Variants in PDGFD observed in about 807,000 individuals in gnomAD.
PDGFD encodes the protein platelet-derived growth factor D.
Under a neutral mutation model 44.7 loss-of-function variants are expected in PDGFD, and 30 were observed. That is an observed-to-expected ratio of 0.67 (90% confidence interval 0.50 to 0.91). The LOEUF (loss-of-function observed/expected upper bound fraction) is 0.91, where lower values mean the gene tolerates loss of function less well. Ranked by LOEUF, PDGFD falls within the 40% of genes least tolerant of loss-of-function variation. PDGFD has a pLI of 0.00. For synonymous variants in PDGFD, 173 were observed against 168.4 expected (o/e 1.03, Z -0.21); for missense variants, 445 against 457.8 (o/e 0.97, Z 0.25).
At chr11:104,123,622 G>A (rs188215499) in intron 1 of PDGFD, among the ~76,000 whole-genome samples, 1 of 152,098 alleles carries the variant, frequency 6.6e-6, no homozygotes, top group East Asian at 1.9e-4. Context: ...GTTTAAAGTG[G>A]CATTCTTTTG....
chr11:104,084,725 TA>T, intron 1 of PDGFD, among the ~76,000 whole-genome samples: 1 of 129,832 alleles, frequency 7.7e-6, no homozygotes, highest in South Asian at 2.1e-4. Flanking sequence ...TATACATATA[TA>T]ATACAGATAT....
rs567091078 is a variant in PDGFD at position 103,909,019 on chromosome 11, T to C, written c.*675A>G. The C allele has an allele frequency of 2.6e-5, 4 of 152,368 alleles. No homozygotes were observed. In the East Asian group the frequency reaches 7.7e-4, roughly 29 times the overall value. The allele number at this position is 152,368 out of a possible 1,614,324, so 9.4% of individuals were successfully genotyped here. A position where few individuals can be genotyped will look rare whatever the true frequency, so the allele number is the denominator to read the frequency against. On this transcript the variant is annotated 3_prime_UTR_variant, in exon 7 of 7. Coordinates refer to ENST00000393158, the MANE Select transcript of PDGFD (RefSeq NM_025208.5). ...ATAAAAAACACAATGATTTAATTTCTAAAGCACTTATATTATTATGGCATG... is the reference window on the plus strand; with the variant it reads ...ATAAAAAACACAATGATTTAATTTCCAAAGCACTTATATTATTATGGCATG...
intron 1 of PDGFD, chr11:104,037,522 G>A: frequency 1.2e-6 from 2 of 1,614,044 alleles, no homozygotes; most frequent in Non-Finnish European, 1.7e-6. Flanking sequence ...GATAGAAGAG[G>A]CCCCCGAGAG....
rs144901482 is a variant in PDGFD, at chr11:103,940,751, G to A, written c.772+2701C>T. On this transcript the variant is annotated intron_variant, in intron 5 of 6. Transcript: ENST00000393158. ...CATTTATACAAGAGCAGAGACAGTG[G>A]TGACTTGCCAGGGTTAAATTAAATG... Among the ~76,000 whole-genome samples the A allele has an allele frequency of 6.6e-5, 10 of 152,226 alleles. No homozygotes were observed. The East Asian group carries it at 1.9e-3, about 29-fold the overall frequency.
At chr11:103,935,344 T>C (rs993703749) in intron 5 of PDGFD, among the ~76,000 whole-genome samples, 1 of 152,138 alleles carries the variant, frequency 6.6e-6, no homozygotes, top group Non-Finnish European at 1.5e-5. Context: ...TGTGCCCTCA[T>C]AGACACACAC....
intron 1 of PDGFD, among the ~76,000 whole-genome samples, chr11:104,053,190 GA>G (rs1243675460): frequency 7.2e-5 from 11 of 152,056 alleles, no homozygotes; most frequent in Admixed American, 3.9e-4. Context: ...TGGGGGAGGG[GA>G]AAAAAGGTCC....
intron 5 of PDGFD, among the ~76,000 whole-genome samples, chr11:103,938,594 A>G (rs1200714611): frequency 6.6e-6 from 1 of 152,042 alleles, no homozygotes; most frequent in Non-Finnish European, 1.5e-5. Context: ...TTTTGTTGCC[A>G]TTGCTTTTGG....
chr11:103,924,263 T>G (rs1858269589), intron 6 of PDGFD, among the ~76,000 whole-genome samples: 1 of 152,238 alleles, frequency 6.6e-6, no homozygotes, highest in East Asian at 1.9e-4. Flanking sequence ...TTCCTCACAG[T>G]TACTACTAGG....
rs1859850849 is a variant in PDGFD, at chr11:104,015,728, C to T, written c.125-15473G>A. ...TAGAGTATTAGTATGCACTGAACTCCAGAATGGCATATTTCACAAAGTTAC... is the reference window on the plus strand; with the variant it reads ...TAGAGTATTAGTATGCACTGAACTCTAGAATGGCATATTTCACAAAGTTAC... On this transcript the variant is annotated intron_variant, in intron 1 of 6. Coordinates refer to ENST00000393158, the MANE Select transcript of PDGFD (RefSeq NM_025208.5). 3.3e-5 allele frequency among the ~76,000 whole-genome samples: 5 copies of T among 152,112 alleles called. 1 individual carries two copies. Among genetic ancestry groups the T allele is most frequent in the Admixed American group, 3.3e-4 (5 of 15,264 alleles).
chr11:103,915,843 A>C (rs1043935883), intron 6 of PDGFD, among the ~76,000 whole-genome samples: 1 of 152,256 alleles, frequency 6.6e-6, no homozygotes, highest in Non-Finnish European at 1.5e-5. Context: ...CAATGGAAAA[A>C]GGATTCCCTA....
chr11:104,010,088 C>A (rs1488297792), intron 1 of PDGFD, among the ~76,000 whole-genome samples: 2 of 152,056 alleles, frequency 1.3e-5, no homozygotes, highest in Admixed American at 6.6e-5. Context: ...ATTTAGAATT[C>A]TCCAGCAGAG....
intron 1 of PDGFD, among the ~76,000 whole-genome samples, chr11:104,041,569 G>A (rs567080738): frequency 6.6e-6 from 1 of 151,890 alleles, no homozygotes; most frequent in South Asian, 2.1e-4. Flanking sequence ...TGATGAAATA[G>A]ACCTTTCCTG....
At chr11:104,131,166 GCT>G (rs578246407) in intron 1 of PDGFD, among the ~76,000 whole-genome samples, 51 of 152,188 alleles carry the variant, frequency 3.4e-4, no homozygotes, top group African/African-American at 1.2e-3. Flanking sequence ...AGGTCTCACT[GCT>G]CTGTTTCTGT....
At chr11:104,099,657 TAA>T (rs1176531857) in intron 1 of PDGFD, among the ~76,000 whole-genome samples, 4 of 147,276 alleles carry the variant, frequency 2.7e-5, no homozygotes, top group Non-Finnish European at 4.5e-5. Context: ...ATAATAATAA[TAA>T]TAATAATAAT....
Position 103,943,600 on chromosome 11 carries a change from A to G in PDGFD, c.624T>C (p.Asp208=). ...PSVTDPTLIA[D]ALDKKIAEFD... is the part of the protein sequence containing the mutation. ...ATTCTGCAATTTTTTTGTCCAGAGC[A>G]TCCGCAATCAGAGTGGGATCCGTTA... The change falls in exon 5 of 7, where the codon GAT becomes GAC. Residue 208 remains aspartate, a synonymous_variant. Coordinates refer to ENST00000393158, the MANE Select transcript of PDGFD (RefSeq NM_025208.5). The G allele has an allele frequency of 1.2e-6, 2 of 1,613,280 alleles. No homozygotes were observed. The highest frequency in any genetic ancestry group is 2.2e-5 in the South Asian group (2 of 91,020).
At position 104,156,964 on chromosome 11, in the gene PDGFD, C is replaced by T. The variant is rs73607960; in HGVS notation, c.124+6840G>A. On this transcript the variant is annotated intron_variant, in intron 1 of 6. Transcript: ENST00000393158. ...CTTTTTGCTGTAATACTATATATTA[C>T]CCCCTGTAGCTTTTTGCTGAAACCA... is the stretch of plus-strand genomic sequence containing the variant. 9.2e-3 allele frequency among the ~76,000 whole-genome samples: 1,401 copies of T among 152,266 alleles called. 17 individuals are homozygous for T. Among genetic ancestry groups the T allele is most frequent in the African/African-American group, 0.032 (1,335 of 41,554 alleles).
At chr11:104,116,592 TAC>T (rs1216570221) in intron 1 of PDGFD, among the ~76,000 whole-genome samples, 1 of 152,018 alleles carries the variant, frequency 6.6e-6, no homozygotes, top group Non-Finnish European at 1.5e-5. Context: ...AAAAGAAAAC[TAC>T]AGACCAATAT....
intron 1 of PDGFD, among the ~76,000 whole-genome samples, chr11:104,118,796 A>AATATTAATATATAATATATTATATATTAT (rs1565340127): frequency 4.6e-5 from 5 of 108,120 alleles, no homozygotes; most frequent in Admixed American, 2.8e-4. Flanking sequence ...ATATATTATA[A>AATATTAATATATAATATATTATATATTAT]ATATTAATAT....
At chr11:104,137,128 C>T (rs959575689) in intron 1 of PDGFD, among the ~76,000 whole-genome samples, 13 of 152,268 alleles carry the variant, frequency 8.5e-5, no homozygotes, top group African/African-American at 3.1e-4. Flanking sequence ...TGTGATACCA[C>T]ATGGCCTGAA....
Sources: allele counts gnomAD v4.1 joint callset (sites outside exome capture counted in the v4.1 genomes callset), GRCh38; gene constraint gnomAD v4.1.1; transcripts MANE v1.5; gene names NCBI Gene and HGNC (gene_info 2026-07-23, HGNC 2026-07-21).